Variants in DTNB observed in about 807,000 individuals in gnomAD.
DTNB encodes the protein dystrobrevin beta.
Under a neutral mutation model 90.7 loss-of-function variants are expected in DTNB, and 63 were observed. The ratio of observed to expected loss-of-function variants is 0.69; its 90% confidence interval spans 0.57 to 0.86. DTNB has a LOEUF of 0.86. Among genes scored for constraint, DTNB ranks in the 40% least tolerant of loss-of-function variants. The pLI is 0.00. For missense variants in DTNB, 744 were observed against 807.1 expected, an observed-to-expected ratio of 0.92 and a Z score of 0.95; for synonymous variants, 277 against 286.7, an observed-to-expected ratio of 0.97 and a Z score of 0.34.
intron 8 of DTNB, among the ~76,000 whole-genome samples, chr2:25,541,612 G>T (rs1299453120): frequency 1.3e-5 from 2 of 152,212 alleles, no homozygotes; most frequent in African/African-American, 4.8e-5. Context: ...AGAGCCGGAA[G>T]TATTTGAAAA....
intron 11 of DTNB, among the ~76,000 whole-genome samples, chr2:25,454,756 T>C (rs1221319200): frequency 1.3e-5 from 2 of 152,244 alleles, no homozygotes; most frequent in Non-Finnish European, 2.9e-5. Context: ...CATTCTCTTA[T>C]TAACAGTGAG....
At chr2:25,464,288 A>C (rs1351753865) in intron 10 of DTNB, among the ~76,000 whole-genome samples, 1 of 152,180 alleles carries the variant, frequency 6.6e-6, no homozygotes, top group East Asian at 1.9e-4. Context: ...GGGCTGGGGC[A>C]GGGAATACAA....
chr2:25,607,194 A>T (rs1218222321), intron 5 of DTNB, 42 bp downstream of exon 5: 2 of 1,538,212 alleles, frequency 1.3e-6, no homozygotes, highest in Non-Finnish European at 1.8e-6. Context: ...TAAAAGTCCT[A>T]ATTTGAAAAT....
intron 18 of DTNB, among the ~76,000 whole-genome samples, 168 bp from the exon 19 acceptor site, chr2:25,384,057 C>T (rs140295243): frequency 1.1e-4 from 16 of 152,374 alleles, no homozygotes; most frequent in East Asian, 7.7e-4. Context: ...GTGCGGCCCA[C>T]GCCCCAGCAC....
At chr2:25,442,601 T>C (rs2057679003) in intron 12 of DTNB, among the ~76,000 whole-genome samples, 1 of 152,204 alleles carries the variant, frequency 6.6e-6, no homozygotes, top group African/African-American at 2.4e-5. Flanking sequence ...ATTTTTGTTG[T>C]TTTAAGAAAA....
intron 9 of DTNB, among the ~76,000 whole-genome samples, chr2:25,500,863 G>A (rs2070450072): frequency 6.6e-6 from 1 of 152,224 alleles, no homozygotes; most frequent in Non-Finnish European, 1.5e-5. Context: ...GGAAGAAAAT[G>A]AAGAATCATA....
intron 2 of DTNB, among the ~76,000 whole-genome samples, chr2:25,640,734 C>T (rs2078094136): frequency 1.3e-5 from 2 of 151,984 alleles, no homozygotes; most frequent in Non-Finnish European, 2.9e-5. Flanking sequence ...TGGCCAGGCG[C>T]GGTGGCTCAT....
At chr2:25,556,722 T>C (rs748312954) in intron 8 of DTNB, among the ~76,000 whole-genome samples, 8 of 151,884 alleles carry the variant, frequency 5.3e-5, no homozygotes, top group Non-Finnish European at 1.2e-4. Context: ...ACTCGGAGAA[T>C]CAGAAAAAGT....
At chr2:25,609,322 G>C (rs1260081998) in intron 4 of DTNB, among the ~76,000 whole-genome samples, 1 of 152,160 alleles carries the variant, frequency 6.6e-6, no homozygotes, top group Non-Finnish European at 1.5e-5. Flanking sequence ...TGATGGGCCG[G>C]GTACAGTGGC....
intron 16 of DTNB, among the ~76,000 whole-genome samples, chr2:25,397,998 A>T (rs2042841628): frequency 6.6e-6 from 1 of 152,090 alleles, no homozygotes; most frequent in Non-Finnish European, 1.5e-5. Flanking sequence ...CCTCTGCATG[A>T]TCTGGGCCAG....
intron 9 of DTNB, among the ~76,000 whole-genome samples, chr2:25,507,697 G>A (rs1402756154): frequency 2.6e-5 from 4 of 151,968 alleles, no homozygotes; most frequent in South Asian, 4.2e-4. Context: ...TCTCTACAGC[G>A]GCCAGAAAGA....
chr2:25,378,470 T>C (rs763410638), intron 20 of DTNB, among the ~76,000 whole-genome samples: 1 of 151,766 alleles, frequency 6.6e-6, no homozygotes, highest in Non-Finnish European at 1.5e-5. Context: ...TATTCCAGGA[T>C]GACACGACTT....
intron 6 of DTNB, among the ~76,000 whole-genome samples, chr2:25,588,661 C>A (rs552900595): frequency 6.6e-5 from 10 of 152,272 alleles, no homozygotes; most frequent in African/African-American, 2.4e-4. Context: ...CTGTGCCTGG[C>A]CTCTGAGGAC....
At chr2:25,383,662 C>T (rs2038554159) in intron 19 of DTNB, 174 bp downstream of exon 19, 1 of 1,401,594 alleles carries the variant, frequency 7.1e-7, no homozygotes, top group East Asian at 2.4e-5. Context: ...CTGACCTTGT[C>T]ACCTGGAAGG....
chr2:25,432,516 T>A (rs1305077827), intron 14 of DTNB, among the ~76,000 whole-genome samples: 2 of 152,180 alleles, frequency 1.3e-5, no homozygotes, highest in East Asian at 3.8e-4. Flanking sequence ...GAGAATATAC[T>A]CACAGCAAAG....
At chr2:25,420,520 A>ATCTG (rs386354870) in intron 15 of DTNB, among the ~76,000 whole-genome samples, 894 of 89,228 alleles carry the variant, frequency 0.01, 7 homozygotes, top group African/African-American at 0.02. Flanking sequence ...CTATCTATCT[A>ATCTG]TCTGTCTGTC....
chr2:25,420,421 T>A lies in DTNB; in HGVS notation c.1555-886A>T, dbSNP rs573719725. On this transcript the variant is annotated intron_variant, in intron 15 of 20. Coordinates refer to ENST00000406818, the MANE Select transcript of DTNB (RefSeq NM_021907.5). ...AATACAGGTTTATTTAGTCCTCTTA[T>A]GCAGAAAGCACTGGAAACAAAGAAA... is the stretch of plus-strand genomic sequence containing the variant. Among the ~76,000 whole-genome samples the A allele has an allele frequency of 3.7e-4, 57 of 152,200 alleles. 1 individual carries two copies. In the South Asian group the frequency reaches 0.01, roughly 27 times the overall value.
intron 13 of DTNB, 121 bp downstream of exon 13, chr2:25,433,789 T>C: frequency 9.0e-7 from 1 of 1,106,212 alleles, no homozygotes; most frequent in Non-Finnish European, 1.3e-6. Flanking sequence ...CTAGCCTAGG[T>C]TCACTGAGGC....
At chr2:25,619,388 T>C (rs2071780825) in intron 4 of DTNB, among the ~76,000 whole-genome samples, 1 of 152,222 alleles carries the variant, frequency 6.6e-6, no homozygotes, top group Non-Finnish European at 1.5e-5. Flanking sequence ...TCACAGTGAA[T>C]GGATGTTGCA....
Sources: allele counts gnomAD v4.1 joint callset (sites outside exome capture counted in the v4.1 genomes callset), GRCh38; gene constraint gnomAD v4.1.1; transcripts MANE v1.5; gene names NCBI Gene and HGNC (gene_info 2026-07-23, HGNC 2026-07-21).